The following BMPR1B variants were observed in gnomAD, a reference collection of about 807,000 sequenced individuals.
BMPR1B encodes bone morphogenetic protein receptor type 1B, also known as bone morphogenetic protein receptor type-1B.
In BMPR1B, 12 loss-of-function variants were observed where a neutral mutation model predicts 59.1. The ratio of observed to expected loss-of-function variants is 0.20; its 90% CI spans 0.13 to 0.33. The LOEUF (loss-of-function observed/expected upper bound fraction) is 0.33. Among genes scored for constraint, BMPR1B ranks in the 10% least tolerant of loss-of-function variants. The pLI is 1.00. For missense variants in BMPR1B, 550 were observed against 610.9 expected (o/e 0.90, Z 1.05); for synonymous variants, 237 against 207.3 (o/e 1.14, Z -1.23).
chr4:94,793,454 C>T (rs1306571814), intron 1 of BMPR1B, among the ~76,000 whole-genome samples: 19 of 150,814 alleles, frequency 1.3e-4, no homozygotes, highest in East Asian at 7.8e-4. Flanking sequence ...TCTTTGCTAT[C>T]GTGAATAATG....
At chr4:95,069,739 A>AGAGCC (rs1296942076) in intron 3 of BMPR1B, among the ~76,000 whole-genome samples, 5 of 152,220 alleles carry the variant, frequency 3.3e-5, no homozygotes, top group African/African-American at 1.2e-4. Flanking sequence ...GGCCTAGAAC[A>AGAGCC]GAGCCTGGTA....
In BMPR1B at chr4:94,768,400, C is replaced by A. The variant is rs115992061; in HGVS notation, c.-183+10332C>A. On this transcript the variant is annotated intron_variant, in intron 1 of 12. Coordinates refer to ENST00000515059, the MANE Select transcript of BMPR1B (RefSeq NM_001203.3). ...CAACAAAAAACCTCTGCTTTATTTA[C>A]CACAATCCGACTATCAGAATTGCAG... is the stretch of plus-strand genomic sequence containing the variant. Among the ~76,000 whole-genome samples the A allele has an allele frequency of 7.8e-3, 1,182 of 152,184 alleles. 7 individuals carry two copies. Among genetic ancestry groups the A allele is most frequent in the African/African-American group, 0.027 (1,113 of 41,548 alleles).
intron 2 of BMPR1B, among the ~76,000 whole-genome samples, chr4:94,941,735 A>G (rs1166630398): frequency 6.6e-6 from 1 of 152,114 alleles, no homozygotes; most frequent in Non-Finnish European, 1.5e-5. Flanking sequence ...TGTGTTTTCC[A>G]GGAGAATAAA....
At chr4:95,054,393 T>C (rs1047818936) in intron 3 of BMPR1B, among the ~76,000 whole-genome samples, 1 of 152,162 alleles carries the variant, frequency 6.6e-6, no homozygotes, top group Admixed American at 6.5e-5. Flanking sequence ...AAAGGAGGCA[T>C]GAGTACATCT....
intron 3 of BMPR1B, among the ~76,000 whole-genome samples, chr4:95,043,483 A>G (rs529596839): frequency 3.5e-4 from 54 of 152,304 alleles, no homozygotes; most frequent in South Asian, 6.2e-4. Context: ...TGTCTCATGA[A>G]TTGTTTTGTA....
intron 1 of BMPR1B, among the ~76,000 whole-genome samples, chr4:94,855,052 T>C (rs957245101): frequency 6.6e-6 from 1 of 152,132 alleles, no homozygotes; most frequent in Non-Finnish European, 1.5e-5. Flanking sequence ...TGCAAAAAAA[T>C]TGTAAACAAA....
chr4:94,850,359 A>G (rs559448569), intron 1 of BMPR1B, among the ~76,000 whole-genome samples: 2 of 152,350 alleles, frequency 1.3e-5, no homozygotes, highest in African/African-American at 2.4e-5. Flanking sequence ...CAATTGTGCT[A>G]TAATGCATGT....
intron 2 of BMPR1B, among the ~76,000 whole-genome samples, chr4:94,937,720 A>G (rs1729369772): frequency 9.6e-6 from 1 of 103,792 alleles, no homozygotes; most frequent in South Asian, 3.4e-4. Context: ...ACACACACAG[A>G]CACACACACA....
chr4:94,827,328 A>G (rs768419463), intron 1 of BMPR1B, among the ~76,000 whole-genome samples: 1 of 152,206 alleles, frequency 6.6e-6, no homozygotes, highest in South Asian at 2.1e-4. Context: ...AAGTGTATAT[A>G]TACTTTGTTT....
At chr4:95,084,810 G>C (rs757291705) in intron 3 of BMPR1B, among the ~76,000 whole-genome samples, 2 of 152,188 alleles carry the variant, frequency 1.3e-5, no homozygotes, top group East Asian at 3.9e-4. Context: ...CAAATGTATC[G>C]TGAGAACCTG....
At chr4:95,120,375 A>G (rs909459562) in intron 6 of BMPR1B, among the ~76,000 whole-genome samples, 1 of 152,232 alleles carries the variant, frequency 6.6e-6, no homozygotes, top group African/African-American at 2.4e-5. Context: ...ATATGTATAC[A>G]GCATCACTCC....
chr4:94,956,150 A>G (rs979926991), intron 2 of BMPR1B, among the ~76,000 whole-genome samples: 1 of 152,232 alleles, frequency 6.6e-6, no homozygotes. Flanking sequence ...AAAACCAAAC[A>G]TGCCTTGTAA....
intron 2 of BMPR1B, among the ~76,000 whole-genome samples, chr4:94,956,531 A>G (rs1730147199): frequency 1.3e-5 from 2 of 152,208 alleles, no homozygotes; most frequent in Non-Finnish European, 1.5e-5. Flanking sequence ...GATGAAAACT[A>G]ACTGGTAAAG....
At chr4:94,967,835 T>G (rs1730611383) in intron 2 of BMPR1B, among the ~76,000 whole-genome samples, 1 of 151,920 alleles carries the variant, frequency 6.6e-6, no homozygotes, top group South Asian at 2.1e-4. Context: ...AAAGAGATTT[T>G]TTTTCTTCAC....
chr4:94,864,314 G>A (rs1038953653), intron 1 of BMPR1B, among the ~76,000 whole-genome samples: 1 of 152,046 alleles, frequency 6.6e-6, no homozygotes, highest in Admixed American at 6.6e-5. Flanking sequence ...GGGAGATAAT[G>A]GTAGCAGGAG....
chr4:95,094,188 A>G (rs1233921115), intron 3 of BMPR1B, among the ~76,000 whole-genome samples: 1 of 152,062 alleles, frequency 6.6e-6, no homozygotes, highest in Non-Finnish European at 1.5e-5. Context: ...TGTTATGTAA[A>G]TGGATTTAAT....
chr4:94,845,444 G>A (rs1000057138), intron 1 of BMPR1B, among the ~76,000 whole-genome samples: 4 of 151,276 alleles, frequency 2.6e-5, no homozygotes, highest in African/African-American at 4.9e-5. Context: ...CCGGGTTCAC[G>A]CCATTCTCTT....
At chr4:94,763,059 AG>A (rs1416209833) in intron 1 of BMPR1B, among the ~76,000 whole-genome samples, 1 of 152,112 alleles carries the variant, frequency 6.6e-6, no homozygotes, top group African/African-American at 2.4e-5. Flanking sequence ...AGTATGTCCT[AG>A]GAAGTGTTGC....
In BMPR1B at chr4:95,104,429, T is replaced by C; in HGVS notation, c.5T>C (p.Leu2Pro). The change falls in exon 4 of 13, where the codon CTT becomes CCT. Residue 2 changes from leucine (L) to proline (P), a missense_variant. Physicochemically the swap from Leu to Pro is moderately conservative, Grantham distance 98. This residue lies in a region of BMPR1B where 43 missense variants were observed against 35.4 expected (regional missense o/e 1.22). Transcript: ENST00000515059. Reference protein sequence around the residue: MLLRSAGKLNVG... With the variant: MPLRSAGKLNVG... ...TCAGCAAACTTCCTTGATAACATGC[T>C]TTTGCGAAGTGCAGGAAAATTAAAT... The C allele has an allele frequency of 6.2e-7, 1 of 1,613,204 alleles. No individual in the cohort carries two copies. Among genetic ancestry groups the C allele is most frequent in the Non-Finnish European group, 8.5e-7 (1 of 1,179,482 alleles).
Sources: allele counts gnomAD v4.1 joint callset (sites outside exome capture counted in the v4.1 genomes callset), GRCh38; gene constraint gnomAD v4.1.1; regional missense constraint gnomAD v4.1.1; transcripts MANE v1.5; gene names NCBI Gene and HGNC (gene_info 2026-07-23, HGNC 2026-07-21).